Variants in MGAT4C observed in about 807,000 individuals in gnomAD.
MGAT4C encodes alpha-1,3-mannosyl-glycoprotein 4-beta-N-acetylglucosaminyltransferase C.
MGAT4C carries 19 observed loss-of-function variants against 40.1 expected under a neutral mutation model. That is an observed-to-expected ratio of 0.47 (90% confidence interval 0.33 to 0.70). The LOEUF is 0.70. Ranked by LOEUF, MGAT4C falls within the 30% of genes least tolerant of loss-of-function variation. The probability of loss-of-function intolerance (pLI) is 0.02; values close to 1 mark genes in which losing one functional copy is unlikely to be tolerated. For missense variants in MGAT4C, 491 were observed against 563.2 expected, an observed-to-expected ratio of 0.87 and a Z score of 1.30; for synonymous variants, 181 against 187.1, an observed-to-expected ratio of 0.97 and a Z score of 0.27.
At chr12:85,987,827 T>C (rs956615163) in intron 3 of MGAT4C, among the ~76,000 whole-genome samples, 6 of 152,214 alleles carry the variant, frequency 3.9e-5, no homozygotes, top group Non-Finnish European at 2.9e-5. Flanking sequence ...CAGCAAGTAA[T>C]TGAACATAGC....
chr12:86,578,253 C>T (rs937053041), intron 2 of MGAT4C, among the ~76,000 whole-genome samples: 1 of 151,790 alleles, frequency 6.6e-6, no homozygotes, highest in Non-Finnish European at 1.5e-5. Flanking sequence ...TCTCTCCCTC[C>T]TCTTCCTTTC....
At chr12:86,756,259 C>G (rs1028174170) in intron 1 of MGAT4C, among the ~76,000 whole-genome samples, 46 of 152,146 alleles carry the variant, frequency 3.0e-4, no homozygotes, top group Middle Eastern at 3.4e-3. Flanking sequence ...TGAGTTCATA[C>G]AGAGAGAGAG....
chr12:86,221,694 G>A (rs1950881470), intron 1 of MGAT4C, among the ~76,000 whole-genome samples: 1 of 152,128 alleles, frequency 6.6e-6, no homozygotes, highest in Non-Finnish European at 1.5e-5. Flanking sequence ...TCACTGATCA[G>A]ACCATGTCCA....
chr12:86,020,751 TAA>T (rs2136863161), intron 2 of MGAT4C, among the ~76,000 whole-genome samples: 1 of 152,194 alleles, frequency 6.6e-6, no homozygotes, highest in South Asian at 2.1e-4. Context: ...CTAATTAAAC[TAA>T]AGAGCTTCTG....
chr12:86,110,377 G>C (rs555689710), intron 1 of MGAT4C, among the ~76,000 whole-genome samples: 1 of 115,714 alleles, frequency 8.6e-6, no homozygotes, highest in South Asian at 3.0e-4. Flanking sequence ...AGGGGTTGAA[G>C]TGAAATTAGC....
In MGAT4C at chr12:86,832,010, G is replaced by A. The variant is rs140109224; in HGVS notation, c.-262+6656C>T. Among the ~76,000 whole-genome samples, 880 of 151,888 alleles carry A rather than the reference G, an allele frequency of 5.8e-3. 3 individuals carry two copies. Among genetic ancestry groups the A allele is most frequent in the Non-Finnish European group, 9.1e-3 (620 of 67,850 alleles). The stretch of plus-strand genomic sequence containing the variant: ...AGATCAACTGTACTTAACATTGCAT[G>A]GGGGTGCTGGCCTACTTTTCAAGGA... On this transcript the variant is annotated intron_variant, in intron 1 of 7. Coordinates refer to the MGAT4C transcript ENST00000548651.
chr12:86,152,713 C>T (rs1884445041), intron 1 of MGAT4C, among the ~76,000 whole-genome samples: 1 of 152,134 alleles, frequency 6.6e-6, no homozygotes. Context: ...TAGCAAGTGG[C>T]CATTACATAC....
chr12:86,150,885 A>T (rs1472563227), intron 1 of MGAT4C, among the ~76,000 whole-genome samples: 1 of 152,186 alleles, frequency 6.6e-6, no homozygotes, highest in Non-Finnish European at 1.5e-5. Flanking sequence ...TTCAGCAATG[A>T]TGTGTAACAA....
intron 2 of MGAT4C, chr12:86,001,507 G>T: frequency 2.4e-6 from 1 of 421,384 alleles, no homozygotes; most frequent in Non-Finnish European, 3.2e-6. Flanking sequence ...TGAAGCTTTC[G>T]TCTTCACTTC....
chr12:86,381,903 T>A (rs565678254), intron 3 of MGAT4C, among the ~76,000 whole-genome samples: 1 of 152,254 alleles, frequency 6.6e-6, no homozygotes, highest in South Asian at 2.1e-4. Context: ...CAAGCCATTT[T>A]CTCTTGTCTA....
intron 1 of MGAT4C, among the ~76,000 whole-genome samples, chr12:86,772,226 C>A (rs1951652337): frequency 6.6e-6 from 1 of 152,102 alleles, no homozygotes; most frequent in African/African-American, 2.4e-5. Flanking sequence ...GTGAAGGATC[C>A]TCCTGGACTG....
chr12:86,793,779 A>G (rs1952067076), intron 1 of MGAT4C, among the ~76,000 whole-genome samples: 1 of 152,048 alleles, frequency 6.6e-6, no homozygotes, highest in South Asian at 2.1e-4. Flanking sequence ...ACAATAAATG[A>G]TTAGAGATTC....
chr12:86,215,458 A>T (rs541654047), intron 1 of MGAT4C, among the ~76,000 whole-genome samples: 1 of 152,342 alleles, frequency 6.6e-6, no homozygotes, highest in Non-Finnish European at 1.5e-5. Context: ...TGCAATCTAA[A>T]TTAAGAGTAT....
chr12:86,033,713 C>T (rs1455612338), intron 2 of MGAT4C, among the ~76,000 whole-genome samples: 2 of 149,450 alleles, frequency 1.3e-5, no homozygotes, highest in African/African-American at 2.4e-5. Flanking sequence ...GATCGTTTGA[C>T]TTCCTCTCTT....
At chr12:86,678,058 C>T (rs1340084505) in intron 2 of MGAT4C, among the ~76,000 whole-genome samples, 5 of 152,154 alleles carry the variant, frequency 3.3e-5, no homozygotes, top group South Asian at 4.1e-4. Flanking sequence ...CAGTTCTGAA[C>T]GCACCCTGAT....
At chr12:85,988,777 C>T (rs202047586) in intron 3 of MGAT4C, among the ~76,000 whole-genome samples, 1 of 151,822 alleles carries the variant, frequency 6.6e-6, no homozygotes, top group East Asian at 1.9e-4. Flanking sequence ...CCTAAAAAAA[C>T]CTATTTATAT....
chr12:86,188,494 C>T lies in MGAT4C; in HGVS notation c.-57+67745G>A, dbSNP rs535269775. 2.0e-5 allele frequency among the ~76,000 whole-genome samples: 3 copies of T among 151,818 alleles called. No individual in the cohort carries two copies. The East Asian group carries it at 5.8e-4, about 29-fold the overall frequency. On this transcript the variant is annotated intron_variant, in intron 1 of 4. Transcript: ENST00000611864. ...AGTTTGGTCTTTAGATTCTTAGGCA[C>T]TATTCCCACTCTAGACAAGCTGGAA...
chr12:86,627,950 G>C (rs752346597), intron 2 of MGAT4C, among the ~76,000 whole-genome samples: 2 of 151,006 alleles, frequency 1.3e-5, no homozygotes, highest in Non-Finnish European at 3.0e-5. Context: ...ACTTCCCTGA[G>C]CTAAAGGAGG....
At chr12:86,620,635 G>A (rs1248730100) in intron 2 of MGAT4C, among the ~76,000 whole-genome samples, 3 of 152,066 alleles carry the variant, frequency 2.0e-5, no homozygotes, top group East Asian at 1.9e-4. Flanking sequence ...GATGGATAAC[G>A]CTACAAGCCC....
Sources: allele counts gnomAD v4.1 joint callset (sites outside exome capture counted in the v4.1 genomes callset), GRCh38; gene constraint gnomAD v4.1.1; transcripts MANE v1.5; gene names NCBI Gene and HGNC (gene_info 2026-07-23, HGNC 2026-07-21).